The following SRD5A2 variants were observed in gnomAD, a reference collection of about 807,000 sequenced individuals.
SRD5A2 encodes steroid 5 alpha-reductase 2.
A neutral mutation model predicts 27.4 loss-of-function variants in SRD5A2; 30 were observed. The observed-to-expected ratio is 1.10, with a 90% CI of 0.82 to 1.49. The LOEUF (loss-of-function observed/expected upper bound fraction) is 1.49, where lower values mean the gene tolerates loss of function less well. Ranked by LOEUF, SRD5A2 falls within the 40% of genes most tolerant of loss-of-function variation. SRD5A2 has a pLI of 0.00. For missense variants in SRD5A2, 348 were observed against 323.4 expected (o/e 1.08, Z -0.58); for synonymous variants, 141 against 133.6 (o/e 1.06, Z -0.38).
At chr2:31,606,108 C>T in the SRD5A2 span, among the ~76,000 whole-genome samples, 1 of 151,810 alleles carries the variant, frequency 6.6e-6, no homozygotes. Flanking sequence ...AACAATTGAA[C>T]TCATGGAGAT....
the SRD5A2 span, among the ~76,000 whole-genome samples, chr2:31,609,157 T>C: frequency 6.6e-6 from 1 of 152,078 alleles, no homozygotes; most frequent in African/African-American, 2.4e-5. Context: ...TAAATTCCTG[T>C]TTTTTAAGCC....
chr2:31,582,914 C>T (rs971097842), upstream of SRD5A2, among the ~76,000 whole-genome samples: 5 of 128,960 alleles, frequency 3.9e-5, no homozygotes, highest in South Asian at 2.7e-4. Flanking sequence ...TATTTCAAAC[C>T]CAGCTCAATG....
the SRD5A2 span, among the ~76,000 whole-genome samples, chr2:31,635,982 C>T: frequency 5.6e-4 from 85 of 152,146 alleles, no homozygotes; most frequent in African/African-American, 2.0e-3. Context: ...TAGTGTAAGG[C>T]TTCTAGCTTT....
At chr2:31,561,427 T>C (rs1204465423) in intron 1 of SRD5A2, among the ~76,000 whole-genome samples, 1 of 152,190 alleles carries the variant, frequency 6.6e-6, no homozygotes, top group Non-Finnish European at 1.5e-5. Flanking sequence ...CCACATCCCA[T>C]TGTCAACCCC....
intron 2 of SRD5A2, among the ~76,000 whole-genome samples, chr2:31,532,344 C>G (rs1665926955): frequency 6.6e-6 from 1 of 150,982 alleles, no homozygotes; most frequent in Non-Finnish European, 1.5e-5. Flanking sequence ...AACAAACTGA[C>G]TTCCATCACT....
the SRD5A2 span, among the ~76,000 whole-genome samples, chr2:31,648,651 A>G: frequency 2.0e-5 from 3 of 152,230 alleles, no homozygotes; most frequent in African/African-American, 7.2e-5. Flanking sequence ...AAAAGAATCT[A>G]TTCAGTTCAC....
At chr2:31,643,601 G>A in the SRD5A2 span, among the ~76,000 whole-genome samples, 74 of 152,090 alleles carry the variant, frequency 4.9e-4, 1 homozygote, top group South Asian at 0.015. Context: ...AGGAACTAAT[G>A]CACTTGGAGA....
Position 31,576,446 on chromosome 2 carries a change from G to C in SRD5A2, c.281+4174C>G, listed in dbSNP as rs1435740974. On this transcript the variant is annotated intron_variant, in intron 1 of 4. Transcript: ENST00000622030. ...GAAATGCAAATCAAAACCACTATGAGATATCATCTCACACCAGTTAGAATG... is the reference window on the plus strand; with the variant it reads ...GAAATGCAAATCAAAACCACTATGACATATCATCTCACACCAGTTAGAATG... 1.9e-4 allele frequency among the ~76,000 whole-genome samples: 12 copies of C among 62,854 alleles called. 1 individual carries two copies. The East Asian group carries it at 3.9e-3, about 20-fold the overall frequency. 41.2% of individuals were successfully genotyped at this position (62,854 alleles called of 152,430 possible).
rs780448796 is a variant in SRD5A2 at position 31,533,620 on chromosome 2, T to C, written c.428A>G (p.Asp143Gly). 1 of 1,552,272 alleles carries C rather than the reference T, an allele frequency of 6.4e-7. No homozygotes were observed. The highest frequency in any genetic ancestry group is 1.2e-5 in the South Asian group (1 of 84,074). Residue 143 changes from aspartate to glycine, a missense_variant, in exon 2 of 5, where the codon GAC (aspartate) becomes GGC (glycine). Transcript: ENST00000622030. ...TCACTTACCCAAGCTAAACCGTATG[T>C]CTGTGTACCACCCATCAGGGTATTC... ...CAEYPDGWYT[D>G]IRFSLGVFLF...
At chr2:31,660,371 C>A in the SRD5A2 span, among the ~76,000 whole-genome samples, 1 of 152,130 alleles carries the variant, frequency 6.6e-6, no homozygotes, top group Non-Finnish European at 1.5e-5. Flanking sequence ...ATTACCGATG[C>A]ATTTACCTTT....
chr2:31,625,999 A>G, the SRD5A2 span, among the ~76,000 whole-genome samples: 2 of 152,104 alleles, frequency 1.3e-5, no homozygotes, highest in Non-Finnish European at 2.9e-5. Context: ...ATGAGCATGG[A>G]ATGTTCTTCC....
upstream of SRD5A2, among the ~76,000 whole-genome samples, chr2:31,581,367 G>T (rs1667081067): frequency 6.6e-6 from 1 of 152,014 alleles, no homozygotes; most frequent in Non-Finnish European, 1.5e-5. Context: ...CATCTCCTCC[G>T]GTTCCTCATG....
chr2:31,580,115 C>T (rs935523189), intron 1 of SRD5A2, among the ~76,000 whole-genome samples: 32 of 152,344 alleles, frequency 2.1e-4, no homozygotes, highest in African/African-American at 7.2e-4. Flanking sequence ...CAATGAGAAC[C>T]TCTGAGCTGA....
chr2:31,636,865 TAA>T, the SRD5A2 span, among the ~76,000 whole-genome samples: 1 of 152,130 alleles, frequency 6.6e-6, no homozygotes, highest in Non-Finnish European at 1.5e-5. Flanking sequence ...GTTGTTGCAT[TAA>T]GTTTGCTAGC....
rs1262359191 is a variant in SRD5A2 at position 31,522,699 on chromosome 2, T to C, written c.*3497A>G. ...AAGAACTCACATTGCCACCCGGCTC[T>C]ATGCCTCTTTCATCATAGGATAGTG... On this transcript the variant is annotated 3_prime_UTR_variant, in exon 5 of 5. Transcript: ENST00000622030. 2 of 222,490 alleles carry C rather than the reference T, an allele frequency of 9.0e-6. No individual in the cohort carries two copies. Among genetic ancestry groups the C allele is most frequent in the Non-Finnish European group, 1.8e-5 (2 of 111,318 alleles). The allele number at this position is 222,490 out of a possible 1,614,324, so 13.8% of individuals were successfully genotyped here.
In SRD5A2 at chr2:31,580,718, G is replaced by A. The variant is rs61750385; in HGVS notation, c.183C>T (p.Phe61=). ...GGGCGAGGATCCCCGCGGGCACCGC[G>A]AAGGAAGGCAGCTCCTGCAGGAACC... ...AAWFLQELPS[F]AVPAGILARQ... The change falls in exon 1 of 5, where the codon TTC becomes TTT. Residue 61 remains phenylalanine (F), a synonymous_variant. Coordinates refer to ENST00000622030, the MANE Select transcript of SRD5A2 (RefSeq NM_000348.4). 5 of 1,606,580 alleles carry A rather than the reference G, an allele frequency of 3.1e-6. No individual in the cohort carries two copies. The highest frequency in any genetic ancestry group is 1.7e-5 in the Admixed American group (1 of 59,872).
the SRD5A2 span, among the ~76,000 whole-genome samples, chr2:31,593,110 T>C: frequency 6.6e-6 from 1 of 151,314 alleles, no homozygotes; most frequent in African/African-American, 2.4e-5. Context: ...GGGACTGTTG[T>C]GGGGTCGGGG....
chr2:31,546,085 T>C (rs1202861866), intron 1 of SRD5A2, among the ~76,000 whole-genome samples: 1 of 152,156 alleles, frequency 6.6e-6, no homozygotes, highest in Non-Finnish European at 1.5e-5. Context: ...AAACATTCCA[T>C]GTTCATGGAC....
chr2:31,539,065 G>A (rs1031793487), intron 1 of SRD5A2, among the ~76,000 whole-genome samples: 2 of 152,058 alleles, frequency 1.3e-5, no homozygotes, highest in Non-Finnish European at 2.9e-5. Context: ...CTTCCAGGGG[G>A]GTGTGAAGTG....
Sources: gnomAD v4.1 joint callset for allele counts (sites outside exome capture counted in the v4.1 genomes callset) on GRCh38, gnomAD v4.1.1 for gene constraint, MANE v1.5 for transcripts, NCBI Gene and HGNC (gene_info 2026-07-23, HGNC 2026-07-21) for gene names.